Variants in OSBPL1A observed in about 807,000 individuals in gnomAD.
OSBPL1A encodes oxysterol binding protein like 1A.
A neutral mutation model predicts 137.1 loss-of-function variants in OSBPL1A; 80 were observed. The observed-to-expected ratio is 0.58, with a 90% CI of 0.49 to 0.70. The LOEUF is 0.70. Ranked by LOEUF, OSBPL1A falls within the 30% of genes least tolerant of loss-of-function variation. OSBPL1A has a pLI of 0.00. For missense variants in OSBPL1A, 970 were observed against 1,129.4 expected, an observed-to-expected ratio of 0.86 and a Z score of 2.02; for synonymous variants, 365 against 389.7, an observed-to-expected ratio of 0.94 and a Z score of 0.75.
At chr18:24,222,074 T>C (rs774288819) in intron 17 of OSBPL1A, among the ~76,000 whole-genome samples, 1 of 152,182 alleles carries the variant, frequency 6.6e-6, no homozygotes, top group Non-Finnish European at 1.5e-5. Context: ...ATAAAAAAGA[T>C]GACAGCAGGC....
At chr18:24,394,801 C>G (rs770797040) in intron 1 of OSBPL1A, among the ~76,000 whole-genome samples, 1 of 144,172 alleles carries the variant, frequency 6.9e-6, no homozygotes, top group South Asian at 2.4e-4. Flanking sequence ...TCACATGATA[C>G]GAAATTGTAC....
At chr18:24,306,844 T>C (rs1473953405) in intron 13 of OSBPL1A, among the ~76,000 whole-genome samples, 1 of 152,156 alleles carries the variant, frequency 6.6e-6, no homozygotes, top group Admixed American at 6.5e-5. Flanking sequence ...TTAAAAATAA[T>C]AGATTGTCAA....
intron 15 of OSBPL1A, among the ~76,000 whole-genome samples, chr18:24,274,821 A>G (rs1312105219): frequency 6.6e-6 from 1 of 152,072 alleles, no homozygotes; most frequent in Non-Finnish European, 1.5e-5. Context: ...AGGCAGGAGA[A>G]TCGCTTGAAC....
chr18:24,197,786 CTTTTT>C (rs1043369707), intron 17 of OSBPL1A, among the ~76,000 whole-genome samples: 3 of 122,786 alleles, frequency 2.4e-5, no homozygotes, highest in East Asian at 3.3e-4. Flanking sequence ...CTTTTCTTTT[CTTTTT>C]TTTTTTTTTT....
intron 15 of OSBPL1A, among the ~76,000 whole-genome samples, chr18:24,248,355 G>GCACTAACTTGATCAGCCCAA (rs1293796193): frequency 3.9e-5 from 6 of 152,170 alleles, no homozygotes; most frequent in Non-Finnish European, 7.3e-5. Flanking sequence ...AGCCTCATGA[G>GCACTAACTTGATCAGCCCAA]CACTAACTTG....
chr18:24,388,915 G>A (rs1024419839), intron 1 of OSBPL1A, among the ~76,000 whole-genome samples: 16 of 151,258 alleles, frequency 1.1e-4, no homozygotes, highest in South Asian at 8.4e-4. Flanking sequence ...TCTTTAATTC[G>A]TAAACTATTT....
intron 4 of OSBPL1A, among the ~76,000 whole-genome samples, chr18:24,354,907 C>G (rs1210198052): frequency 2.6e-5 from 4 of 152,116 alleles, no homozygotes; most frequent in Admixed American, 6.6e-5. Context: ...CCTGCTGAAC[C>G]TGCCACTCAT....
intron 14 of OSBPL1A, among the ~76,000 whole-genome samples, chr18:24,287,394 G>A (rs774257751): frequency 2.0e-5 from 3 of 152,206 alleles, no homozygotes; most frequent in Non-Finnish European, 4.4e-5. Flanking sequence ...AGAATAAGGT[G>A]CAGAACTGGA....
At chr18:24,347,333 G>C (rs188868997) in intron 4 of OSBPL1A, among the ~76,000 whole-genome samples, 1 of 151,892 alleles carries the variant, frequency 6.6e-6, no homozygotes, top group Non-Finnish European at 1.5e-5. Context: ...ACAGGCGCCC[G>C]CCACCACGCC....
intron 14 of OSBPL1A, among the ~76,000 whole-genome samples, chr18:24,289,272 A>C (rs926531175): frequency 3.3e-5 from 5 of 152,150 alleles, no homozygotes; most frequent in African/African-American, 1.2e-4. Context: ...AGCTAATGTA[A>C]TTGTCCTCAA....
intron 1 of OSBPL1A, among the ~76,000 whole-genome samples, chr18:24,385,233 C>T (rs994704057): frequency 1.3e-5 from 2 of 152,078 alleles, no homozygotes; most frequent in African/African-American, 2.4e-5. Flanking sequence ...GGATTACAGG[C>T]ATGAGCCACC....
intron 16 of OSBPL1A, among the ~76,000 whole-genome samples, chr18:24,231,120 CAT>C (rs2088263649): frequency 1.3e-5 from 2 of 152,234 alleles, no homozygotes; most frequent in African/African-American, 4.8e-5. Context: ...CCTTGAAAAA[CAT>C]ATATTTTACA....
intron 2 of OSBPL1A, among the ~76,000 whole-genome samples, chr18:24,370,825 A>G (rs1905568296): frequency 6.6e-6 from 1 of 151,834 alleles, no homozygotes. Flanking sequence ...GCGCCACCAC[A>G]CCTGGCTAAT....
chr18:24,299,509 TA>T (rs1301049406), intron 14 of OSBPL1A, among the ~76,000 whole-genome samples: 1 of 152,078 alleles, frequency 6.6e-6, no homozygotes, highest in Non-Finnish European at 1.5e-5. Flanking sequence ...TTTTTCTGGA[TA>T]CAAAAAAAAA....
intron 19 of OSBPL1A, among the ~76,000 whole-genome samples, chr18:24,180,447 C>T (rs952424289): frequency 3.7e-5 from 5 of 136,026 alleles, no homozygotes; most frequent in Non-Finnish European, 7.8e-5. Context: ...TAAGCACAAA[C>T]ATATTTTTCT....
chr18:24,361,996 C>CAAA (rs200189504), intron 4 of OSBPL1A, among the ~76,000 whole-genome samples: 21 of 52,116 alleles, frequency 4.0e-4, no homozygotes, highest in Non-Finnish European at 4.9e-4. Flanking sequence ...GACTCCATCT[C>CAAA]AAAAAAAAAA....
intron 1 of OSBPL1A, among the ~76,000 whole-genome samples, chr18:24,379,900 C>G (rs1906461380): frequency 6.6e-6 from 1 of 152,080 alleles, no homozygotes; most frequent in Non-Finnish European, 1.5e-5. Flanking sequence ...AGTCTTACAG[C>G]ATTGAAAGGC....
At chr18:24,366,843 C>T in intron 4 of OSBPL1A, 49 bp downstream of exon 4, 1 of 1,547,330 alleles carries the variant, frequency 6.5e-7, no homozygotes, top group Non-Finnish European at 8.8e-7. Context: ...ATGGTAACTA[C>T]TCCTCCAAAT....
At chr18:24,267,218 C>T (rs552843110) in intron 15 of OSBPL1A, among the ~76,000 whole-genome samples, 2 of 150,122 alleles carry the variant, frequency 1.3e-5, no homozygotes, top group East Asian at 3.9e-4. Flanking sequence ...AAAAGAATTC[C>T]TAAAAATATA....
Sources: gnomAD v4.1 joint callset for allele counts (sites outside exome capture counted in the v4.1 genomes callset) on GRCh38, gnomAD v4.1.1 for gene constraint, MANE v1.5 for transcripts, NCBI Gene and HGNC (gene_info 2026-07-23, HGNC 2026-07-21) for gene names.